Variants in BTBD8 observed in about 807,000 individuals in gnomAD.
BTBD8 encodes the protein BTB domain containing 8.
Under a neutral mutation model 162.9 loss-of-function variants are expected in BTBD8, and 110 were observed. The observed-to-expected ratio is 0.68, with a 90% confidence interval of 0.58 to 0.79. BTBD8 has a LOEUF of 0.79. Ranked by LOEUF, BTBD8 falls within the 30% of genes least tolerant of loss-of-function variation. The pLI is 0.00. For synonymous variants in BTBD8, 667 were observed against 716.1 expected, an observed-to-expected ratio of 0.93 and a Z score of 1.10; for missense variants, 1,905 against 2,085.4, an observed-to-expected ratio of 0.91 and a Z score of 1.68.
chr1:92,101,465 G>T (rs947430181), intron 2 of BTBD8, among the ~76,000 whole-genome samples: 2 of 152,114 alleles, frequency 1.3e-5, no homozygotes, highest in South Asian at 4.2e-4. Flanking sequence ...AAATATTCAT[G>T]ACAGCTCCCG....
chr1:92,160,336 T>C (rs1161776394), intron 9 of BTBD8, among the ~76,000 whole-genome samples: 1 of 152,204 alleles, frequency 6.6e-6, no homozygotes, highest in African/African-American at 2.4e-5. Flanking sequence ...AGCTAAATCA[T>C]ATATCTCAAT....
chr1:92,176,195 A>G (rs940085416), intron 13 of BTBD8, among the ~76,000 whole-genome samples: 3 of 152,176 alleles, frequency 2.0e-5, no homozygotes, highest in African/African-American at 7.2e-5. Context: ...AATTTCTGGC[A>G]CTTGGAATAA....
chr1:92,177,578 C>A, intron 14 of BTBD8, 32 bp downstream of exon 14: 1 of 1,367,758 alleles, frequency 7.3e-7, no homozygotes, highest in Non-Finnish European at 9.8e-7. Flanking sequence ...TTTAATATCT[C>A]CTGACAGTTA....
intron 10 of BTBD8, among the ~76,000 whole-genome samples, chr1:92,167,401 G>T (rs1650411137): frequency 6.6e-6 from 1 of 152,200 alleles, no homozygotes; most frequent in Non-Finnish European, 1.5e-5. Context: ...CCCTCCCTCA[G>T]CAAGCCACAT....
At chr1:92,097,472 C>T (rs980077758) in intron 2 of BTBD8, among the ~76,000 whole-genome samples, 3 of 152,080 alleles carry the variant, frequency 2.0e-5, no homozygotes, top group Admixed American at 6.6e-5. Flanking sequence ...GTTGTGCCAC[C>T]AACATCACTA....
chr1:92,184,558 A>G lies in BTBD8; in HGVS notation c.*228A>G, dbSNP rs888261309. Reference sequence around the variant, plus strand: ...TATTAGAGAAATTAGAAGACTTATAAGGAAACCCTAGCTTCAGTTTTCCTT... The same window carrying G: ...TATTAGAGAAATTAGAAGACTTATAGGGAAACCCTAGCTTCAGTTTTCCTT... On this transcript the variant is annotated 3_prime_UTR_variant, in exon 18 of 18. Transcript: ENST00000636805. 1.1e-5 allele frequency: 4 copies of G among 354,454 alleles called. No individual in the cohort carries two copies. In the Admixed American group the frequency reaches 1.3e-4, roughly 11 times the overall value. 22.0% of individuals were successfully genotyped at this position (354,454 alleles called of 1,614,324 possible). A position where few individuals can be genotyped will look rare whatever the true frequency, so the allele number is the denominator to read the frequency against.
intron 17 of BTBD8, 108 bp from the exon 18 acceptor site, chr1:92,183,755 GT>G (rs59910368): frequency 0.03 from 12,709 of 424,274 alleles, no homozygotes; most frequent in Non-Finnish European, 0.036. Context: ...CCCATTCTGT[GT>G]TTTTTTTTTT....
intron 17 of BTBD8, among the ~76,000 whole-genome samples, chr1:92,183,280 G>A (rs760137837): frequency 1.2e-4 from 19 of 152,188 alleles, no homozygotes; most frequent in Non-Finnish European, 2.5e-4. Context: ...TTTAAAATAT[G>A]CAATAGTGGC....
At chr1:92,103,316 C>G (rs1169156585) in intron 3 of BTBD8, among the ~76,000 whole-genome samples, 1 of 152,122 alleles carries the variant, frequency 6.6e-6, no homozygotes, top group African/African-American at 2.4e-5. Context: ...TGGTTAGATT[C>G]CTGTTATATT....
chr1:92,135,238 T>C (rs964748812), intron 5 of BTBD8, among the ~76,000 whole-genome samples: 1 of 152,012 alleles, frequency 6.6e-6, no homozygotes. Context: ...TGGGCTGGAG[T>C]GCAGTTGCGC....
At chr1:92,144,779 C>A (rs1649868968) in intron 7 of BTBD8, among the ~76,000 whole-genome samples, 2 of 149,092 alleles carry the variant, frequency 1.3e-5, no homozygotes, top group Non-Finnish European at 3.0e-5. Context: ...CCACTGCATT[C>A]CAGCCTGGGT....
chr1:92,093,065 C>CCG (rs1648357250), intron 2 of BTBD8, among the ~76,000 whole-genome samples: 1 of 152,016 alleles, frequency 6.6e-6, no homozygotes, highest in Admixed American at 6.6e-5. Context: ...CCTTGGCTAC[C>CCG]TGTGTTCATT....
At chr1:92,144,509 A>G (rs1413780883) in intron 7 of BTBD8, among the ~76,000 whole-genome samples, 1 of 150,346 alleles carries the variant, frequency 6.7e-6, no homozygotes, top group African/African-American at 2.5e-5. Context: ...TTTGTCACCA[A>G]TTAAAAGTAT....
chr1:92,121,137 T>C (rs938287387), intron 4 of BTBD8, among the ~76,000 whole-genome samples: 2 of 152,246 alleles, frequency 1.3e-5, no homozygotes, highest in African/African-American at 4.8e-5. Flanking sequence ...TTGATTTTGA[T>C]GATCACTTGA....
intron 4 of BTBD8, among the ~76,000 whole-genome samples, chr1:92,123,995 C>T (rs1025026449): frequency 1.3e-5 from 2 of 152,044 alleles, no homozygotes; most frequent in Admixed American, 6.6e-5. Context: ...TGTGGCCGTT[C>T]GGGATCCAAC....
At chr1:92,171,524 TTTA>T in intron 13 of BTBD8, 64 bp downstream of exon 13, 1 of 998,898 alleles carries the variant, frequency 1.0e-6, no homozygotes, top group Non-Finnish European at 1.4e-6. Flanking sequence ...AGCTTATTAT[TTTA>T]TATTTCAGAA....
intron 9 of BTBD8, among the ~76,000 whole-genome samples, chr1:92,158,489 T>TA (rs1165103446): frequency 6.6e-6 from 1 of 152,166 alleles, no homozygotes; most frequent in Non-Finnish European, 1.5e-5. Context: ...ACAGAAACTC[T>TA]ACACTTCTCC....
intron 7 of BTBD8, among the ~76,000 whole-genome samples, chr1:92,141,972 G>A (rs1213681976): frequency 2.0e-5 from 3 of 152,112 alleles, no homozygotes; most frequent in African/African-American, 4.8e-5. Flanking sequence ...TTTTAATAAC[G>A]CTTAAATTTA....
intron 7 of BTBD8, among the ~76,000 whole-genome samples, chr1:92,143,870 G>A (rs1167249171): frequency 5.4e-5 from 8 of 149,212 alleles, no homozygotes; most frequent in Admixed American, 2.0e-4. Context: ...AACAATTTCT[G>A]GTTTTGTTGA....
Sources: allele counts gnomAD v4.1 joint callset (sites outside exome capture counted in the v4.1 genomes callset), GRCh38; gene constraint gnomAD v4.1.1; transcripts MANE v1.5; gene names NCBI Gene and HGNC (gene_info 2026-07-23, HGNC 2026-07-21).